Variants in PTPRD observed in about 807,000 individuals in gnomAD.
PTPRD encodes receptor-type tyrosine-protein phosphatase delta.
PTPRD carries 34 observed loss-of-function variants against 214.5 expected under a neutral mutation model. That is an observed-to-expected ratio of 0.16 (90% CI 0.12 to 0.21). The LOEUF is 0.21. Among genes scored for constraint, PTPRD ranks in the 10% least tolerant of loss-of-function variants. PTPRD has a pLI of 1.00. For synonymous variants in PTPRD, 1,128 were observed against 845.7 expected (o/e 1.33, Z -5.79); for missense variants, 2,545 against 2,398.7 (o/e 1.06, Z -1.27).
intron 33 of PTPRD, among the ~76,000 whole-genome samples, chr9:8,451,191 G>A (rs10815878): frequency 0.41 from 62,600 of 152,030 alleles, 13,539 homozygotes; most frequent in East Asian, 0.61. Flanking sequence ...CTCAAGTGCA[G>A]TGCCTTTGGC....
chr9:9,890,352 C>A (rs572652252), intron 5 of PTPRD, among the ~76,000 whole-genome samples: 2 of 151,838 alleles, frequency 1.3e-5, no homozygotes, highest in Admixed American at 6.6e-5. Flanking sequence ...GTTCCCTCCA[C>A]GCCTGGCTAT....
At chr9:9,830,672 C>G (rs1438220905) in intron 5 of PTPRD, among the ~76,000 whole-genome samples, 2 of 151,826 alleles carry the variant, frequency 1.3e-5, no homozygotes, top group Non-Finnish European at 2.9e-5. Context: ...TGCATATTGA[C>G]AGACTGGCAC....
intron 8 of PTPRD, among the ~76,000 whole-genome samples, chr9:9,401,926 C>T (rs762776355): frequency 6.6e-6 from 1 of 151,966 alleles, no homozygotes; most frequent in Admixed American, 6.6e-5. Flanking sequence ...TGAGGCCTCC[C>T]AAGCCAAGCA....
intron 8 of PTPRD, among the ~76,000 whole-genome samples, chr9:9,510,156 C>T (rs2096665873): frequency 6.6e-6 from 1 of 151,720 alleles, no homozygotes; most frequent in Admixed American, 6.6e-5. Flanking sequence ...GGTGGAGTAG[C>T]TTTCTGTTTT....
intron 8 of PTPRD, among the ~76,000 whole-genome samples, chr9:9,567,981 A>G (rs566043719): frequency 6.6e-6 from 1 of 151,868 alleles, no homozygotes; most frequent in African/African-American, 2.4e-5. Flanking sequence ...TCGTGCCTAG[A>G]TATGTAACCT....
rs972018859 is a variant in PTPRD at position 9,926,341 on chromosome 9, G to T, written c.-368+12166C>A. Among the ~76,000 whole-genome samples, 3 of 152,196 alleles carry T rather than the reference G, an allele frequency of 2.0e-5. No homozygotes were observed. In the South Asian group the frequency reaches 6.2e-4, roughly 32 times the overall value. ...AGGAAAAATAGTGGATATTAAGACA[G>T]AAAGGGATCATCATCATACAAATTT... On this transcript the variant is annotated intron_variant, in intron 5 of 45. Transcript: ENST00000381196.
chr9:10,168,114 G>A (rs1196464902), intron 3 of PTPRD, among the ~76,000 whole-genome samples: 1 of 152,088 alleles, frequency 6.6e-6, no homozygotes, highest in East Asian at 1.9e-4. Context: ...AAACATATTT[G>A]CTTTTGCAGG....
At chr9:9,812,029 A>C (rs1349967861) in intron 5 of PTPRD, among the ~76,000 whole-genome samples, 1 of 152,194 alleles carries the variant, frequency 6.6e-6, no homozygotes, top group African/African-American at 2.4e-5. Flanking sequence ...AGCAGCCATC[A>C]ACATTGAGGC....
chr9:10,385,294 C>T (rs903776107), intron 2 of PTPRD, among the ~76,000 whole-genome samples: 6 of 151,742 alleles, frequency 4.0e-5, no homozygotes, highest in Admixed American at 1.3e-4. Flanking sequence ...TGTCTTATCT[C>T]TCCCACTAAA....
Position 8,486,068 on chromosome 9 carries a change from C to T in PTPRD, c.2749G>A (p.Val917Ile), listed in dbSNP as rs756674564. The T allele has an allele frequency of 2.5e-6, 4 of 1,614,164 alleles. No homozygotes were observed. In the South Asian group the frequency reaches 3.3e-5, roughly 13 times the overall value. ...AGGTTTTGAGGGAATCCAGTTGGTA[C>T]TTCTTCTGGAATGGAAATCTCCTTC... is the stretch of plus-strand genomic sequence containing the variant. ...MVKEISIPEEVPTGFPQNLHS... is the reference protein window; with the variant it reads ...MVKEISIPEEIPTGFPQNLHS... The change falls in exon 28 of 46, where the codon GTA becomes ATA. Residue 917 changes from valine to isoleucine, a missense_variant. By Grantham distance (29) the Val-to-Ile change is conservative (BLOSUM62 3). Transcript: ENST00000381196.
intron 4 of PTPRD, among the ~76,000 whole-genome samples, chr9:9,962,430 T>A (rs1566763359): frequency 1.3e-5 from 2 of 152,038 alleles, no homozygotes; most frequent in Admixed American, 1.3e-4. Context: ...TAAAGAAAAT[T>A]AGAATATCTG....
chr9:8,652,170 A>G (rs1441250131), intron 12 of PTPRD, among the ~76,000 whole-genome samples: 1 of 152,190 alleles, frequency 6.6e-6, no homozygotes, highest in African/African-American at 2.4e-5. Flanking sequence ...AAACTTTTTG[A>G]AAAACCTTCA....
chr9:10,023,485 T>C (rs2096862469), intron 4 of PTPRD, among the ~76,000 whole-genome samples: 1 of 152,218 alleles, frequency 6.6e-6, no homozygotes, highest in African/African-American at 2.4e-5. Flanking sequence ...ACATCTTTTC[T>C]GTATATAAAG....
intron 10 of PTPRD, among the ~76,000 whole-genome samples, chr9:9,030,276 CTTTTTTTTTTTTT>C (rs71317396): frequency 2.1e-4 from 8 of 37,920 alleles, no homozygotes; most frequent in East Asian, 1.3e-3. Context: ...CACACTTGGG[CTTTTTTTTTTTTT>C]TTTTTTTTTT....
intron 12 of PTPRD, among the ~76,000 whole-genome samples, chr9:8,718,365 C>G (rs768652527): frequency 1.3e-5 from 2 of 152,110 alleles, no homozygotes; most frequent in Non-Finnish European, 2.9e-5. Context: ...TATCATAATA[C>G]CCCTCGTTTC....
chr9:8,765,270 G>T (rs941156631), intron 11 of PTPRD, among the ~76,000 whole-genome samples: 4 of 152,186 alleles, frequency 2.6e-5, no homozygotes, highest in Non-Finnish European at 4.4e-5. Context: ...ACTGCTTCCA[G>T]CAAACAGATT....
chr9:10,527,306 G>A (rs929603278), intron 2 of PTPRD, among the ~76,000 whole-genome samples: 1 of 152,134 alleles, frequency 6.6e-6, no homozygotes, highest in African/African-American at 2.4e-5. Flanking sequence ...GTAAAGAACA[G>A]CCTCAAACAG....
intron 14 of PTPRD, among the ~76,000 whole-genome samples, chr9:8,539,028 G>T (rs2077672888): frequency 1.3e-5 from 2 of 151,808 alleles, no homozygotes; most frequent in Admixed American, 1.3e-4. Flanking sequence ...AGAATGAAAG[G>T]TATATACTAA....
At chr9:9,221,886 A>G (rs1202392861) in intron 9 of PTPRD, among the ~76,000 whole-genome samples, 1 of 152,076 alleles carries the variant, frequency 6.6e-6, no homozygotes, top group Non-Finnish European at 1.5e-5. Flanking sequence ...TCATCACTTC[A>G]GAGCTTATTA....
Sources: allele counts gnomAD v4.1 joint callset (sites outside exome capture counted in the v4.1 genomes callset), GRCh38; gene constraint gnomAD v4.1.1; transcripts MANE v1.5; gene names NCBI Gene and HGNC (gene_info 2026-07-23, HGNC 2026-07-21).